IL1RAPL1: variants seen among roughly 807,000 people sequenced by gnomAD.
IL1RAPL1 encodes the protein interleukin-1 receptor accessory protein-like 1.
IL1RAPL1 carries 3 observed loss-of-function variants against 48.4 expected under a neutral mutation model. The ratio of observed to expected loss-of-function variants is 0.06; its 90% confidence interval spans 0.03 to 0.16. The LOEUF (loss-of-function observed/expected upper bound fraction) is 0.16, where lower values mean the gene tolerates loss of function less well. Among genes scored for constraint, IL1RAPL1 ranks in the 10% least tolerant of loss-of-function variants. IL1RAPL1 has a pLI of 1.00. For synonymous variants in IL1RAPL1, 185 were observed against 187.7 expected, an observed-to-expected ratio of 0.99 and a Z score of 0.12; for missense variants, 349 against 530.6, an observed-to-expected ratio of 0.66 and a Z score of 3.36.
chrX:29,303,757 A>G (rs1932574607), intron 3 of IL1RAPL1, among the ~76,000 whole-genome samples: 1 of 112,111 alleles, frequency 8.9e-6, no homozygotes, highest in South Asian at 3.7e-4. Flanking sequence ...GAGTAAATCT[A>G]GTCAATCAAA....
intron 5 of IL1RAPL1, among the ~76,000 whole-genome samples, chrX:29,413,174 A>G (rs966199046): frequency 9.9e-5 from 11 of 111,038 alleles, no homozygotes; most frequent in African/African-American, 3.6e-4. Flanking sequence ...GCCTGCTGCC[A>G]TGTAAGGCAC....
chrX:29,199,038 GT>G (rs1930500196), intron 2 of IL1RAPL1, among the ~76,000 whole-genome samples: 1 of 111,665 alleles, frequency 9.0e-6, no homozygotes, highest in Admixed American at 9.6e-5. Flanking sequence ...ACTAATTCAT[GT>G]CCATGAGTAA....
intron 1 of IL1RAPL1, among the ~76,000 whole-genome samples, chrX:28,785,795 G>T (rs1268593214): frequency 8.9e-6 from 1 of 112,046 alleles, no homozygotes; most frequent in African/African-American, 3.2e-5. Flanking sequence ...GTAAGCATTT[G>T]TTTCCTTTAT....
intron 1 of IL1RAPL1, among the ~76,000 whole-genome samples, chrX:28,626,445 C>T (rs1384621900): frequency 8.9e-6 from 1 of 111,775 alleles, no homozygotes; most frequent in Non-Finnish European, 1.9e-5. Context: ...GCTAAAGCCT[C>T]CCTCTCCATC....
At chrX:29,232,277 A>C (rs1158152458) in intron 2 of IL1RAPL1, among the ~76,000 whole-genome samples, 2 of 111,892 alleles carry the variant, frequency 1.8e-5, no homozygotes, top group African/African-American at 6.5e-5. Context: ...ATGATAAGAC[A>C]TGATTTTACC....
At chrX:28,758,489 A>G (rs1035759471) in intron 1 of IL1RAPL1, among the ~76,000 whole-genome samples, 2 of 111,660 alleles carry the variant, frequency 1.8e-5, no homozygotes, top group Non-Finnish European at 3.8e-5. Flanking sequence ...GTAGTTGAAT[A>G]GAGCTACTTT....
intron 2 of IL1RAPL1, among the ~76,000 whole-genome samples, chrX:28,796,232 C>T (rs1179935866): frequency 1.8e-5 from 2 of 111,383 alleles, no homozygotes; most frequent in African/African-American, 6.5e-5. Context: ...GGTGGGGACA[C>T]AACCAAACCA....
chrX:29,313,253 CTG>C (rs35894909), intron 3 of IL1RAPL1, among the ~76,000 whole-genome samples: 2,163 of 90,568 alleles, frequency 0.024, 38 homozygotes, highest in African/African-American at 0.062. Flanking sequence ...ACATACAAGC[CTG>C]TGTGTGTGTG....
intron 8 of IL1RAPL1, among the ~76,000 whole-genome samples, chrX:29,936,518 A>AACACACACACAC (rs55890071): frequency 8.6e-5 from 8 of 93,477 alleles, no homozygotes; most frequent in East Asian, 6.7e-4. Context: ...TATATATAGG[A>AACACACACACAC]ACACACACAC....
intron 3 of IL1RAPL1, among the ~76,000 whole-genome samples, chrX:29,328,581 G>A (rs1301760785): frequency 1.8e-5 from 2 of 108,955 alleles, no homozygotes; most frequent in African/African-American, 6.7e-5. Flanking sequence ...TTCATGAAAT[G>A]AGTAATCTCA....
chrX:29,311,704 T>A (rs1037838195), intron 3 of IL1RAPL1, among the ~76,000 whole-genome samples: 1 of 111,448 alleles, frequency 9.0e-6, no homozygotes, highest in South Asian at 3.8e-4. Context: ...AAGAAAAAAA[T>A]TTATTTATTT....
intron 7 of IL1RAPL1, among the ~76,000 whole-genome samples, chrX:29,919,620 C>G (rs1436571009): frequency 8.9e-6 from 1 of 112,398 alleles, no homozygotes; most frequent in Non-Finnish European, 1.9e-5. Context: ...ATTTTTATCT[C>G]AACTTACATA....
rs143147999 is a variant in IL1RAPL1, at chrX:28,602,707, A to T, written c.-25+14660A>T. On this transcript the variant is annotated intron_variant, in intron 1 of 10. Transcript: ENST00000378993. ...CAATGTTTTGGTAGCAAAGATTCAA[A>T]TATTAGTAAGTCTAAATTCATCTTT... is the stretch of plus-strand genomic sequence containing the variant. Among the ~76,000 whole-genome samples, 699 of 112,035 alleles carry T rather than the reference A, an allele frequency of 6.2e-3. 2 individuals are homozygous for T. The highest frequency in any genetic ancestry group is 8.8e-3 in the Non-Finnish European group (469 of 53,265).
intron 2 of IL1RAPL1, among the ~76,000 whole-genome samples, chrX:29,177,561 T>C (rs7885168): frequency 0.19 from 21,319 of 111,385 alleles, 1,736 homozygotes; most frequent in East Asian, 0.44. Flanking sequence ...ACATTTACAA[T>C]AAAAGTATTG....
At chrX:28,605,001 C>T (rs758276279) in intron 1 of IL1RAPL1, among the ~76,000 whole-genome samples, 43 of 111,218 alleles carry the variant, frequency 3.9e-4, no homozygotes, top group African/African-American at 1.3e-3. Flanking sequence ...GATCACTCCT[C>T]CTCAGTACAT....
intron 5 of IL1RAPL1, among the ~76,000 whole-genome samples, chrX:29,590,654 C>T (rs1047047008): frequency 1.8e-5 from 2 of 111,844 alleles, no homozygotes; most frequent in African/African-American, 6.5e-5. Flanking sequence ...GGGCTTGTAA[C>T]AGGGGCTCAT....
At chrX:29,120,348 T>C (rs982316015) in intron 2 of IL1RAPL1, among the ~76,000 whole-genome samples, 17 of 112,095 alleles carry the variant, frequency 1.5e-4, no homozygotes, top group Non-Finnish European at 2.6e-4. Context: ...AGTTTCATTC[T>C]TCTGCATATG....
At chrX:29,567,161 A>G (rs1922437261) in intron 5 of IL1RAPL1, among the ~76,000 whole-genome samples, 1 of 110,900 alleles carries the variant, frequency 9.0e-6, no homozygotes, top group Admixed American at 9.6e-5. Flanking sequence ...ACCTATAGAA[A>G]TCAAGGTTAA....
chrX:29,265,299 T>A (rs1000624581), intron 2 of IL1RAPL1, among the ~76,000 whole-genome samples: 2 of 109,940 alleles, frequency 1.8e-5, no homozygotes, highest in African/African-American at 6.6e-5. Flanking sequence ...GAATATAATA[T>A]GAATTATGAA....
Sources: gnomAD v4.1 joint callset for allele counts (sites outside exome capture counted in the v4.1 genomes callset) on GRCh38, gnomAD v4.1.1 for gene constraint, MANE v1.5 for transcripts, NCBI Gene and HGNC (gene_info 2026-07-23, HGNC 2026-07-21) for gene names.